Variants in CHD9 observed in about 807,000 individuals in gnomAD.
The protein encoded by CHD9 is ATP-dependent chromatin remodeler CHD9.
CHD9 carries 77 observed loss-of-function variants against 316.1 expected under a neutral mutation model. The observed-to-expected ratio is 0.24, with a 90% CI of 0.20 to 0.29. The LOEUF (loss-of-function observed/expected upper bound fraction) is 0.29, where lower values mean the gene tolerates loss of function less well. CHD9 is among the 10% of genes least tolerant of loss of function. CHD9 has a pLI of 1.00. For missense variants in CHD9, 2,763 were observed against 3,438.1 expected, an observed-to-expected ratio of 0.80 and a Z score of 4.91; for synonymous variants, 1,129 against 1,158.3, an observed-to-expected ratio of 0.97 and a Z score of 0.51.
Position 53,165,004 on chromosome 16 carries a change from G to T in CHD9, c.1452+7463G>T, listed in dbSNP as rs112330212. ...TATGTGTAAGATGATAGCAACAGAT[G>T]CCCTAAAGGTAAATCCAATAATTAT... On this transcript the variant is annotated intron_variant, in intron 2 of 38. Coordinates refer to ENST00000447540, the MANE Select transcript of CHD9 (RefSeq NM_001308319.2). Among the ~76,000 whole-genome samples the T allele has an allele frequency of 7.2e-3, 1,101 of 152,194 alleles. 10 individuals carry two copies. The highest frequency in any genetic ancestry group is 0.01 in the Non-Finnish European group (714 of 68,020).
At chr16:53,283,352 T>C (rs2053582213) in intron 24 of CHD9, among the ~76,000 whole-genome samples, 1 of 152,238 alleles carries the variant, frequency 6.6e-6, no homozygotes, top group Non-Finnish European at 1.5e-5. Context: ...TAAAGGAGGC[T>C]TTATGCAAGA....
intron 19 of CHD9, among the ~76,000 whole-genome samples, chr16:53,257,546 A>T (rs749393976): frequency 5.8e-4 from 88 of 152,114 alleles, no homozygotes; most frequent in Non-Finnish European, 1.1e-3. Flanking sequence ...AGAAATTTTG[A>T]GAAGGAAGAG....
At chr16:53,116,679 A>G (rs1406624592) in intron 1 of CHD9, among the ~76,000 whole-genome samples, 4 of 152,206 alleles carry the variant, frequency 2.6e-5, no homozygotes, top group Non-Finnish European at 5.9e-5. Context: ...TTCCTCAAAG[A>G]CATAGAACCA....
Position 53,222,768 on chromosome 16 carries a change from A to AT in CHD9, c.1896+19dup, listed in dbSNP as rs1390004180. On this transcript the variant is annotated intron_variant, in intron 4 of 38. Transcript: ENST00000447540. ...TCAAGACTCTCAAGTGAGTATTACA[A>AT]TTTTTTCTAGAAATGAAACACTGTT... The AT allele has an allele frequency of 1.6e-6, 2 of 1,269,474 alleles. No individual in the cohort carries two copies. Among genetic ancestry groups the AT allele is most frequent in the Non-Finnish European group, 1.1e-6 (1 of 896,374 alleles). The allele number at this position is 1,269,474 out of a possible 1,614,324, so 78.6% of individuals were successfully genotyped here. A position where few individuals can be genotyped will look rare whatever the true frequency, so the allele number is the denominator to read the frequency against.
chr16:53,056,337 T>A (rs1396584133), intron 1 of CHD9, among the ~76,000 whole-genome samples: 1 of 152,160 alleles, frequency 6.6e-6, no homozygotes, highest in African/African-American at 2.4e-5. Context: ...GAAAATCGGG[T>A]TGCCTTGGGA....
chr16:53,196,714 A>C lies in CHD9; in HGVS notation c.1453-12768A>C, dbSNP rs1448469934. ...TGTTAAATGAATATTAAATGAGTGA[A>C]CCAATCAGTCTTCTAAGTTTTAAAG... On this transcript the variant is annotated intron_variant, in intron 2 of 38. Transcript: ENST00000447540. Among the ~76,000 whole-genome samples, 6 of 152,232 alleles carry C rather than the reference A, an allele frequency of 3.9e-5. 1 individual carries two copies. Among genetic ancestry groups the C allele is most frequent in the Non-Finnish European group, 5.9e-5 (4 of 68,046 alleles).
At position 53,209,639 on chromosome 16, in the gene CHD9, C is replaced by T. The variant is rs2046170692; in HGVS notation, c.1610C>T (p.Ala537Val). ...NRIISEAIAK[A>V]KERGERNIPR... ...ATAATATCAGAGGCCATAGCAAAAG[C>T]AAAGGAGCGTGGGGAACGCAATATT... is the stretch of plus-strand genomic sequence containing the variant. Residue 537 changes from alanine to valine, a missense_variant, in exon 3 of 39, where the codon GCA (alanine) becomes GTA (valine). By Grantham distance (64) the Ala-to-Val change is moderately conservative (BLOSUM62 0). Around this residue, in one of 15 missense-constraint regions of CHD9, gnomAD observed 859 missense variants for 890.4 expected, o/e 0.96. Transcript: ENST00000447540. 1 of 1,613,608 alleles carries T rather than the reference C, an allele frequency of 6.2e-7. No individual in the cohort carries two copies. The highest frequency in any genetic ancestry group is 1.3e-5 in the African/African-American group (1 of 74,832).
At chr16:53,304,991 G>T (rs2055822992) in intron 31 of CHD9, among the ~76,000 whole-genome samples, 1 of 151,774 alleles carries the variant, frequency 6.6e-6, no homozygotes, top group South Asian at 2.1e-4. Flanking sequence ...ACCAGGCCTG[G>T]CCTAATATAA....
chr16:53,274,569 C>T (rs907798543), intron 24 of CHD9, among the ~76,000 whole-genome samples: 5 of 152,174 alleles, frequency 3.3e-5, no homozygotes, highest in African/African-American at 1.2e-4. Context: ...AATTCTCCTG[C>T]CTCAGCCTCC....
At chr16:53,298,835 T>G (rs1189440889) in intron 30 of CHD9, 1 of 158,378 alleles carries the variant, frequency 6.3e-6, no homozygotes, top group Non-Finnish European at 1.4e-5. Flanking sequence ...GCACTTCACA[T>G]CTTCCAGCAG....
At chr16:53,131,554 C>A (rs1405051091) in intron 1 of CHD9, among the ~76,000 whole-genome samples, 1 of 151,172 alleles carries the variant, frequency 6.6e-6, no homozygotes, top group Non-Finnish European at 1.5e-5. Context: ...CCCCCGGGGT[C>A]GGGACACGGC....
intron 19 of CHD9, among the ~76,000 whole-genome samples, chr16:53,261,261 G>T (rs1428598898): frequency 1.3e-5 from 2 of 149,450 alleles, no homozygotes; most frequent in Non-Finnish European, 3.0e-5. Context: ...ATACTAGATT[G>T]AATGAATGAG....
chr16:53,306,058 TTAA>T (rs1181947886), intron 31 of CHD9, among the ~76,000 whole-genome samples, 176 bp from the exon 32 acceptor site: 1 of 152,290 alleles, frequency 6.6e-6, no homozygotes, highest in African/African-American at 2.4e-5. Context: ...ACCCTGTCTC[TTAA>T]TAATAATGAT....
Position 53,110,490 on chromosome 16 carries a change from G to A in CHD9, c.-164-45436G>A, listed in dbSNP as rs373867721. The stretch of plus-strand genomic sequence containing the variant: ...AATGCTGCTTTCATGGGCTGGCACC[G>A]TAGCTCACGCCTGTAATCCCAGCAC... On this transcript the variant is annotated intron_variant, in intron 1 of 38. Transcript: ENST00000447540. Among the ~76,000 whole-genome samples the A allele has an allele frequency of 7.7e-4, 118 of 152,270 alleles. 1 individual carries two copies. The South Asian group carries it at 0.022, about 28-fold the overall frequency.
intron 1 of CHD9, among the ~76,000 whole-genome samples, chr16:53,146,796 CAA>C (rs59556450): frequency 1.1e-3 from 131 of 120,690 alleles, no homozygotes; most frequent in African/African-American, 2.7e-3. Flanking sequence ...GAGACGGTCT[CAA>C]AAAAAAAAAA....
chr16:53,313,073 T>G (rs528810858), intron 34 of CHD9, among the ~76,000 whole-genome samples: 119 of 152,246 alleles, frequency 7.8e-4, no homozygotes, highest in African/African-American at 2.8e-3. Context: ...TTAGAAAAAT[T>G]GATGAATGCA....
At chr16:53,088,080 C>T (rs951946767) in intron 1 of CHD9, among the ~76,000 whole-genome samples, 6 of 152,066 alleles carry the variant, frequency 3.9e-5, no homozygotes, top group African/African-American at 1.2e-4. Context: ...GCGGGACTCT[C>T]CTTACGTCTT....
chr16:53,168,888 C>T (rs1040790467), intron 2 of CHD9: 1 of 152,128 alleles, frequency 6.6e-6, no homozygotes, highest in Admixed American at 6.5e-5. Context: ...AGGCGTGGGC[C>T]ACCACGCCTG....
In CHD9 at chr16:53,157,574, T is replaced by TG. The variant is rs1330191885; in HGVS notation, c.1452+38dup. 1.9e-6 allele frequency: 3 copies of TG among 1,572,196 alleles called. No homozygotes were observed. In the African/African-American group the frequency reaches 4.1e-5, roughly 21 times the overall value. ...GCTCTTTGCTTTTATTTTGGAGATT[T>TG]GGGGGTAGGGCGGACTGTTAGTCAT... On this transcript the variant is annotated intron_variant, in intron 2 of 38. Transcript: ENST00000447540.
Sources: gnomAD v4.1 joint callset for allele counts (sites outside exome capture counted in the v4.1 genomes callset) on GRCh38, gnomAD v4.1.1 for gene constraint, gnomAD v4.1.1 regional missense constraint, MANE v1.5 for transcripts, NCBI Gene and HGNC (gene_info 2026-07-23, HGNC 2026-07-21) for gene names.